PDIA2: variants seen among roughly 807,000 people sequenced by gnomAD.
PDIA2 encodes the protein protein disulfide isomerase family A member 2.
In PDIA2, 76 loss-of-function variants were observed where a neutral mutation model predicts 51.1. That is an observed-to-expected ratio of 1.49 (90% confidence interval 1.24 to 1.80). The LOEUF (loss-of-function observed/expected upper bound fraction) is 1.80, where lower values mean the gene tolerates loss of function less well. Among genes scored for constraint, PDIA2 ranks in the 40% most tolerant of loss-of-function variants. PDIA2 has a pLI of 0.00. For synonymous variants in PDIA2, 429 were observed against 309.9 expected (o/e 1.38, Z -4.04); for missense variants, 946 against 706.5 (o/e 1.34, Z -3.84).
Position 283,356 on chromosome 16 carries a change from C to T in PDIA2, c.187C>T (p.Leu63=), listed in dbSNP as rs2052311205. 3 of 1,598,516 alleles carry T rather than the reference C, an allele frequency of 1.9e-6. No homozygotes were observed. The highest frequency in any genetic ancestry group is 1.3e-5 in the African/African-American group (1 of 74,296). Residue 63 remains leucine (L), a synonymous_variant, in exon 1 of 11, where the codon CTG becomes TTG. Coordinates refer to ENST00000219406, the MANE Select transcript of PDIA2 (RefSeq NM_006849.4). The stretch of plus-strand genomic sequence containing the variant: ...GGCCCTGCGGGAGCACCCTGCCCTG[C>T]TGGTGGAATTCTGTGAGTGCTGGGG... ...GLALREHPAL[L]VEFYAPWCGH... is the part of the protein sequence containing the mutation.
chr16:286,017 C>T (rs1362176934), intron 7 of PDIA2, among the ~76,000 whole-genome samples: 3 of 103,806 alleles, frequency 2.9e-5, no homozygotes, highest in Non-Finnish European at 5.7e-5. Context: ...CCCAACCCCG[C>T]GGTTCTCCAA....
At position 284,760 on chromosome 16, in the gene PDIA2, G is replaced by T; in HGVS notation, c.508G>T (p.Gly170Cys). ...DEAAAQALIG[G>C]RDLVVIGFFQ... Reference sequence around the variant, plus strand: ...GGCGGCCGCCCAGGCGCTGATCGGTGGCCGGGACCTAGTGGTCATTGGCTT... The same window carrying T: ...GGCGGCCGCCCAGGCGCTGATCGGTTGCCGGGACCTAGTGGTCATTGGCTT... The change falls in exon 3 of 11, where the codon GGC (glycine) becomes TGC (cysteine). Residue 170 changes from glycine (G) to cysteine (C), a missense_variant. Physicochemically the swap from Gly to Cys is radical, Grantham distance 159. Transcript: ENST00000219406. 1 of 1,564,226 alleles carries T rather than the reference G, an allele frequency of 6.4e-7. No homozygotes were observed. The highest frequency in any genetic ancestry group is 2.3e-5 in the East Asian group (1 of 44,410).
rs200005739 is a variant in PDIA2, at chr16:286,766, C to T, written c.1422+31C>T. 1,279 of 1,612,528 alleles carry T rather than the reference C, an allele frequency of 7.9e-4. 2 individuals carry two copies. Among genetic ancestry groups the T allele is most frequent in the Middle Eastern group, 1.3e-3 (8 of 6,056 alleles). On this transcript the variant is annotated intron_variant, in intron 9 of 10. Coordinates refer to ENST00000219406, the MANE Select transcript of PDIA2 (RefSeq NM_006849.4). Reference sequence around the variant, plus strand: ...GCGGACAGGTGGCTGGGGAGGAAGCCGGGGTGCCATCTTGCTGGGCATGGG... The same window carrying T: ...GCGGACAGGTGGCTGGGGAGGAAGCTGGGGTGCCATCTTGCTGGGCATGGG...
Position 286,847 on chromosome 16 carries a change from A to G in PDIA2, c.1435A>G (p.Lys479Glu), listed in dbSNP as rs1415571644. ...AGPGRKVIEY[K>E]STRDLETFSK... Reference sequence around the variant, plus strand: ...TGCCTCTTCTCAGGTGATTGAATACAAAAGCACCAGGGACCTGGAGACTTT... The same window carrying G: ...TGCCTCTTCTCAGGTGATTGAATACGAAAGCACCAGGGACCTGGAGACTTT... Residue 479 changes from lysine to glutamate, a missense_variant, in exon 10 of 11, where the codon AAA becomes GAA. Transcript: ENST00000219406. 10 of 1,610,548 alleles carry G rather than the reference A, an allele frequency of 6.2e-6. No homozygotes were observed. Among genetic ancestry groups the G allele is most frequent in the Non-Finnish European group, 6.8e-6 (8 of 1,178,968 alleles).
At chr16:283,875 A>G (rs1208674299) in intron 1 of PDIA2, among the ~76,000 whole-genome samples, 1 of 151,958 alleles carries the variant, frequency 6.6e-6, no homozygotes, top group Non-Finnish European at 1.5e-5. Context: ...TTTTATTTTT[A>G]TTTTTTGAGA....
intron 1 of PDIA2, 37 bp downstream of exon 1, chr16:283,405 G>A (rs748888913): frequency 2.6e-6 from 4 of 1,529,384 alleles, no homozygotes; most frequent in African/African-American, 1.4e-5. Flanking sequence ...GGACCGGCGG[G>A]GGACCGGCAG....
rs376264294 is a variant in PDIA2, at chr16:283,247, G to T, written c.78G>T (p.Ala26=). 11 of 1,610,820 alleles carry T rather than the reference G, an allele frequency of 6.8e-6. No individual in the cohort carries two copies. The highest frequency in any genetic ancestry group is 9.3e-6 in the Non-Finnish European group (11 of 1,179,120). The change falls in exon 1 of 11, where the codon GCG becomes GCT. Residue 26 remains alanine (A), a synonymous_variant. Transcript: ENST00000219406. The stretch of plus-strand genomic sequence containing the variant: ...GCCCATGGGGTCAGGAACAGGGAGC[G>T]AGGAGCCCCTCGGAGGAGCCTCCAG... ...ASCPWGQEQG[A]RSPSEEPPEE...
Position 285,484 on chromosome 16 carries a change from C to A in PDIA2, c.922-22C>A, listed in dbSNP as rs1490397744. 4 of 1,612,152 alleles carry A rather than the reference C, an allele frequency of 2.5e-6. No individual in the cohort carries two copies. In the East Asian group the frequency reaches 8.9e-5, roughly 36 times the overall value. ...GGGGCAGCGGGAGAGTGGCCGGTGC[C>A]AGCATGGACTCCCTGCCACAGGTGC... On this transcript the variant is annotated intron_variant, in intron 6 of 10. Coordinates refer to ENST00000219406, the MANE Select transcript of PDIA2 (RefSeq NM_006849.4).
chr16:285,665 A>C lies in PDIA2; in HGVS notation c.1081A>C (p.Thr361Pro). 2 of 1,613,166 alleles carry C rather than the reference A, an allele frequency of 1.2e-6. No homozygotes were observed. Among genetic ancestry groups the C allele is most frequent in the Non-Finnish European group, 1.7e-6 (2 of 1,179,916 alleles). The change falls in exon 7 of 11, where the codon ACT becomes CCT. Residue 361 changes from threonine (T) to proline (P), a missense_variant. Coordinates refer to ENST00000219406, the MANE Select transcript of PDIA2 (RefSeq NM_006849.4). ...DGGPVTAASI[T>P]AFCHAVLNGQ... ...GGGCCCTGTCACCGCAGCGTCCATC[A>C]CTGCTTTCTGCCATGCAGTCCTCAA...
At position 284,601 on chromosome 16, in the gene PDIA2, GCAGGCCGGTCATTGGGGGGGCGGTGGC is replaced by G; in HGVS notation, c.406+16_407-24del. On this transcript the variant is annotated intron_variant, in intron 2 of 10. Coordinates refer to ENST00000219406, the MANE Select transcript of PDIA2 (RefSeq NM_006849.4). ...ACCCGGAGGAGTACACAGGTGAGGG[GCAGGCCGGTCATTGGGGGGGCGGTGGC>G]CAGGCCGAGGCTGAGGGGGACTCCC... 1 of 1,609,130 alleles carries G rather than the reference GCAGGCCGGTCATTGGGGGGGCGGTGGC, an allele frequency of 6.2e-7. No homozygotes were observed. The highest frequency in any genetic ancestry group is 1.7e-4 in the Middle Eastern group (1 of 6,054).
chr16:285,851 G>C lies in PDIA2; in HGVS notation c.1119+148G>C. The C allele has an allele frequency of 4.5e-6, 4 of 883,280 alleles. No homozygotes were observed. The East Asian group carries it at 8.2e-5, about 18-fold the overall frequency. The allele number at this position is 883,280 out of a possible 1,614,324, so 54.7% of individuals were successfully genotyped here. A position where few individuals can be genotyped will look rare whatever the true frequency, so the allele number is the denominator to read the frequency against. On this transcript the variant is annotated intron_variant, in intron 7 of 10. Transcript: ENST00000219406. ...AACCCGGCAATTCTCCCAACCCGGC[G>C]GTTCTCCCAACCCCAACCCGGCGGT...
Position 286,838 on chromosome 16 carries a change from A to AT in PDIA2, c.1428dup (p.Glu477Ter). ...AGATCCCCCTGCCTCTTCTCAGGTG[A>AT]TTGAATACAAAAGCACCAGGGACCT... is the stretch of plus-strand genomic sequence containing the variant. On this transcript the variant is annotated frameshift_variant, in exon 10 of 11. Transcript: ENST00000219406. LOFTEE classifies it high-confidence loss of function. The AT allele has an allele frequency of 6.2e-7, 1 of 1,610,762 alleles. No individual in the cohort carries two copies. Among genetic ancestry groups the AT allele is most frequent in the Non-Finnish European group, 8.5e-7 (1 of 1,179,080 alleles).
chr16:284,774 G>T lies in PDIA2; in HGVS notation c.522G>T (p.Val174=). ...CGCTGATCGGTGGCCGGGACCTAGT[G>T]GTCATTGGCTTCTTCCAGGTGAGCC... ...AQALIGGRDL[V]VIGFFQDLQD... Residue 174 remains valine, a synonymous_variant, in exon 3 of 11, where the codon GTG becomes GTT. Coordinates refer to ENST00000219406, the MANE Select transcript of PDIA2 (RefSeq NM_006849.4). 1 of 1,568,968 alleles carries T rather than the reference G, an allele frequency of 6.4e-7. No individual in the cohort carries two copies. The highest frequency in any genetic ancestry group is 8.6e-7 in the Non-Finnish European group (1 of 1,161,596).
chr16:283,515 C>A (rs2052313574), intron 1 of PDIA2, 147 bp downstream of exon 1: 5 of 854,828 alleles, frequency 5.8e-6, no homozygotes. Flanking sequence ...CAGGAGCTCT[C>A]TAGGAGGGGC....
rs367677538 is a variant in PDIA2, at chr16:285,116, C to G, written c.711C>G (p.Asp237Glu). The G allele has an allele frequency of 6.2e-7, 1 of 1,613,020 alleles. No homozygotes were observed. Among genetic ancestry groups the G allele is most frequent in the East Asian group, 2.2e-5 (1 of 44,882 alleles). Residue 237 changes from aspartate (D) to glutamate (E), a missense_variant, in exon 5 of 11, where the codon GAC becomes GAG. Physicochemically the swap from Asp to Glu is conservative, Grantham distance 45. Coordinates refer to ENST00000219406, the MANE Select transcript of PDIA2 (RefSeq NM_006849.4). ...AGGGGCGGGCAGACTTCCCCGTGGA[C>G]GAGGAGCTTGGCCTGGACCTGGGGG... is the stretch of plus-strand genomic sequence containing the variant. ...FDEGRADFPV[D>E]EELGLDLGDL...
intron 1 of PDIA2, chr16:284,147 C>G: frequency 1.7e-6 from 1 of 580,020 alleles, no homozygotes; most frequent in Non-Finnish European, 3.1e-6. Context: ...GGATTACTGG[C>G]GTGAGCCACT....
chr16:284,280 T>A lies in PDIA2; in HGVS notation c.200-107T>A, dbSNP rs144589355. 1.5e-5 allele frequency: 18 copies of A among 1,166,226 alleles called. No individual in the cohort carries two copies. In the East Asian group the frequency reaches 4.1e-4, roughly 27 times the overall value. The allele number at this position is 1,166,226 out of a possible 1,614,324, so 72.2% of individuals were successfully genotyped here. A position where few individuals can be genotyped will look rare whatever the true frequency, so the allele number is the denominator to read the frequency against. ...TGCTCGGCTTGTCCACGGCCAGGGCTCAGGGCAGAATGGAGCAGCACGCTT... is the reference window on the plus strand; with the variant it reads ...TGCTCGGCTTGTCCACGGCCAGGGCACAGGGCAGAATGGAGCAGCACGCTT... On this transcript the variant is annotated intron_variant, in intron 1 of 10. Coordinates refer to ENST00000219406, the MANE Select transcript of PDIA2 (RefSeq NM_006849.4).
rs377242875 is a variant in PDIA2 at position 285,151 on chromosome 16, G to T, written c.746G>T (p.Arg249Leu). The T allele has an allele frequency of 1.9e-4, 307 of 1,612,830 alleles. 1 individual carries two copies. The highest frequency in any genetic ancestry group is 2.5e-4 in the Non-Finnish European group (291 of 1,179,892). Residue 249 changes from arginine (R) to leucine (L), a missense_variant, in exon 5 of 11, where the codon CGC (arginine) becomes CTC (leucine). Coordinates refer to ENST00000219406, the MANE Select transcript of PDIA2 (RefSeq NM_006849.4). ...ELGLDLGDLS[R>L]FLVTHSMRLV... The stretch of plus-strand genomic sequence containing the variant: ...GGCCTGGACCTGGGGGATCTGTCGC[G>T]CTTCCTGGTCACACACAGCATGCGC...
At chr16:285,936 ACCC>A (rs2052358493) in intron 7 of PDIA2, among the ~76,000 whole-genome samples, 1 of 50,160 alleles carries the variant, frequency 2.0e-5, no homozygotes, top group African/African-American at 1.0e-4. Flanking sequence ...CCCAACCCCA[ACCC>A]CAACCCCAAC....
Sources: gnomAD v4.1 joint callset for allele counts (sites outside exome capture counted in the v4.1 genomes callset) on GRCh38, gnomAD v4.1.1 for gene constraint, MANE v1.5 for transcripts, NCBI Gene and HGNC (gene_info 2026-07-23, HGNC 2026-07-21) for gene names.